The following TBCK variants were observed in gnomAD, a reference collection of about 807,000 sequenced individuals.
The protein encoded by TBCK is TBC domain-containing protein kinase-like protein.
TBCK carries 99 observed loss-of-function variants against 113.4 expected under a neutral mutation model. That is an observed-to-expected ratio of 0.87 (90% confidence interval 0.74 to 1.03). The LOEUF (loss-of-function observed/expected upper bound fraction) is 1.03, where lower values mean the gene tolerates loss of function less well. Among genes scored for constraint, TBCK ranks in the 50% least tolerant of loss-of-function variants. TBCK has a pLI of 0.00. For missense variants in TBCK, 1,045 were observed against 1,061.3 expected (o/e 0.98, Z 0.21); for synonymous variants, 369 against 370.8 (o/e 1.00, Z 0.05).
chr4:106,204,179 T>C (rs1755190099), intron 20 of TBCK, among the ~76,000 whole-genome samples: 1 of 152,192 alleles, frequency 6.6e-6, no homozygotes, highest in South Asian at 2.1e-4. Context: ...CTAAACTTCA[T>C]TATGAGGTAG....
intron 23 of TBCK, among the ~76,000 whole-genome samples, chr4:106,131,913 A>AT (rs1341967389): frequency 2.0e-5 from 3 of 152,304 alleles, no homozygotes; most frequent in Non-Finnish European, 4.4e-5. Flanking sequence ...TGCTATGAAA[A>AT]GAGACTGGCA....
intron 2 of TBCK, among the ~76,000 whole-genome samples, chr4:106,295,933 A>G (rs1766253375): frequency 6.6e-6 from 1 of 152,102 alleles, no homozygotes; most frequent in Non-Finnish European, 1.5e-5. Context: ...GAATTTTCCA[A>G]TATAAATTCA....
intron 25 of TBCK, among the ~76,000 whole-genome samples, chr4:106,072,755 T>A (rs1418715449): frequency 1.3e-5 from 2 of 152,228 alleles, no homozygotes; most frequent in Non-Finnish European, 2.9e-5. Flanking sequence ...GATTTGGTCT[T>A]TTCACAGAGT....
chr4:106,131,651 A>G (rs1294427632), intron 23 of TBCK, among the ~76,000 whole-genome samples: 1 of 152,188 alleles, frequency 6.6e-6, no homozygotes, highest in Non-Finnish European at 1.5e-5. Context: ...AATTGGTACC[A>G]GTAGAGTGTG....
chr4:106,080,828 T>A (rs889403341), intron 25 of TBCK, among the ~76,000 whole-genome samples: 3 of 149,482 alleles, frequency 2.0e-5, no homozygotes, highest in African/African-American at 7.4e-5. Flanking sequence ...AAATTCACAA[T>A]TAAAAAAAAA....
At chr4:106,209,993 C>T (rs1257354606) in intron 20 of TBCK, among the ~76,000 whole-genome samples, 1 of 152,086 alleles carries the variant, frequency 6.6e-6, no homozygotes, top group Non-Finnish European at 1.5e-5. Flanking sequence ...GTTACATATT[C>T]TCTCTTTATT....
At chr4:106,176,791 C>T (rs1751719614) in intron 22 of TBCK, among the ~76,000 whole-genome samples, 1 of 151,892 alleles carries the variant, frequency 6.6e-6, no homozygotes. Flanking sequence ...AATTTACATT[C>T]CCACTAACAG....
At chr4:106,144,733 AT>A (rs1473183658) in intron 23 of TBCK, among the ~76,000 whole-genome samples, 1 of 148,730 alleles carries the variant, frequency 6.7e-6, no homozygotes, top group Non-Finnish European at 1.5e-5. Context: ...ACTTGTTCAT[AT>A]TTTTTTGGGC....
intron 25 of TBCK, among the ~76,000 whole-genome samples, chr4:106,050,521 A>C: frequency 6.6e-6 from 1 of 152,094 alleles, no homozygotes. Flanking sequence ...TATGCTGGAA[A>C]TCAGTAACAA....
At position 106,230,452 on chromosome 4, in the gene TBCK, A is replaced by G. The variant is rs367636831; in HGVS notation, c.1691-6T>C. 15 of 1,585,342 alleles carry G rather than the reference A, an allele frequency of 9.5e-6. No individual in the cohort carries two copies. The highest frequency in any genetic ancestry group is 9.4e-5 in the African/African-American group (7 of 74,162). The stretch of plus-strand genomic sequence containing the variant: ...CATACATGCATAAGCCAAGGCTAAA[A>G]GAGAATAAGGCAAAGGCATGTAAAA... On this transcript the variant is annotated splice_region_variant and splice_polypyrimidine_tract_variant and intron_variant, in intron 18 of 25. Coordinates refer to ENST00000394708, the MANE Select transcript of TBCK (RefSeq NM_001163435.3).
At chr4:106,194,492 A>T (rs1426796477) in intron 21 of TBCK, among the ~76,000 whole-genome samples, 1 of 152,062 alleles carries the variant, frequency 6.6e-6, no homozygotes, top group Admixed American at 6.6e-5. Context: ...GAGTTTGTAC[A>T]AATATCATGA....
At chr4:106,281,927 C>T (rs6533246) in intron 3 of TBCK, among the ~76,000 whole-genome samples, 28,329 of 151,982 alleles carry the variant, frequency 0.19, 2,661 homozygotes, top group South Asian at 0.25. Context: ...GTAGAATGAG[C>T]TTAGAAGAAT....
chr4:106,103,283 G>T (rs1347977339), intron 24 of TBCK, among the ~76,000 whole-genome samples: 1 of 152,108 alleles, frequency 6.6e-6, no homozygotes, highest in Admixed American at 6.6e-5. Flanking sequence ...GTTGGTATCT[G>T]GGATTAGTCC....
intron 20 of TBCK, among the ~76,000 whole-genome samples, chr4:106,201,593 G>C (rs897779487): frequency 3.3e-5 from 5 of 151,984 alleles, no homozygotes; most frequent in African/African-American, 1.2e-4. Flanking sequence ...TCAAGCAAGA[G>C]TAGTGATATT....
chr4:106,070,982 T>G (rs1737351735), intron 25 of TBCK, among the ~76,000 whole-genome samples: 2 of 151,626 alleles, frequency 1.3e-5, no homozygotes, highest in African/African-American at 4.8e-5. Context: ...GTGGGATCGG[T>G]GGTGATATCC....
chr4:106,219,641 C>T (rs1361314760), intron 19 of TBCK, among the ~76,000 whole-genome samples: 3 of 151,784 alleles, frequency 2.0e-5, no homozygotes. Context: ...TACTCAAGGG[C>T]AAGTAACTAT....
intron 23 of TBCK, among the ~76,000 whole-genome samples, chr4:106,118,422 TA>T (rs1743820203): frequency 1.3e-5 from 2 of 152,168 alleles, no homozygotes; most frequent in African/African-American, 2.4e-5. Flanking sequence ...TAATAAAAAA[TA>T]GGCATTAAGA....
At chr4:106,197,411 G>GTGTGTGTATATA (rs35695611) in intron 20 of TBCK, among the ~76,000 whole-genome samples, 8 of 122,466 alleles carry the variant, frequency 6.5e-5, no homozygotes, top group East Asian at 4.6e-4. Context: ...GTGTGTGTGT[G>GTGTGTGTATATA]TATATATATA....
At chr4:106,070,465 C>A (rs536297606) in intron 25 of TBCK, among the ~76,000 whole-genome samples, 1 of 151,936 alleles carries the variant, frequency 6.6e-6, no homozygotes, top group African/African-American at 2.4e-5. Flanking sequence ...GTATGTTGAG[C>A]CAGCCTTCCA....
Sources: allele counts gnomAD v4.1 joint callset (sites outside exome capture counted in the v4.1 genomes callset), GRCh38; gene constraint gnomAD v4.1.1; transcripts MANE v1.5; gene names NCBI Gene and HGNC (gene_info 2026-07-23, HGNC 2026-07-21).